GSE1: variants seen among roughly 807,000 people sequenced by gnomAD.
GSE1 encodes Gse1 coiled-coil protein.
In GSE1, 32 loss-of-function variants were observed where a neutral mutation model predicts 112.6. That is an observed-to-expected ratio of 0.28 (90% CI 0.21 to 0.38). The LOEUF (loss-of-function observed/expected upper bound fraction) is 0.38. GSE1 is among the 10% of genes least tolerant of loss of function. The pLI is 1.00. For missense variants in GSE1, 2,348 were observed against 1,699.2 expected (o/e 1.38, Z -6.71); for synonymous variants, 1,115 against 735.6 (o/e 1.52, Z -8.35).
rs565379864 is a variant in GSE1, at chr16:85,180,155, C to T, written c.2283+8348C>T. Among the ~76,000 whole-genome samples the T allele has an allele frequency of 1.4e-3, 208 of 152,338 alleles. 2 individuals carry two copies. The highest frequency in any genetic ancestry group is 0.011 in the South Asian group (51 of 4,832). ...AAGCTCTGCTGCCTGGCCTGTCTGG[C>T]GTGGAGCCCTTGATTAAATCGGTTG... On this transcript the variant is annotated intron_variant, in intron 1 of 2. Transcript: ENST00000637419.
chr16:85,328,421 G>A (rs1451760726), intron 1 of GSE1, among the ~76,000 whole-genome samples: 1 of 152,198 alleles, frequency 6.6e-6, no homozygotes, highest in Non-Finnish European at 1.5e-5. Flanking sequence ...AGCGGGGGCC[G>A]GAGGGAGCCG....
chr16:85,587,045 T>C (rs1236878778), intron 1 of GSE1, among the ~76,000 whole-genome samples: 1 of 151,996 alleles, frequency 6.6e-6, no homozygotes, highest in Non-Finnish European at 1.5e-5. Context: ...CAGAATTGTG[T>C]GTGTGGTGGG....
At chr16:85,228,357 C>G (rs16975388) in intron 1 of GSE1, among the ~76,000 whole-genome samples, 30,655 of 152,014 alleles carry the variant, frequency 0.2, 3,204 homozygotes, top group South Asian at 0.34. Flanking sequence ...TGGCCAGCAG[C>G]GTACAGGATT....
intron 1 of GSE1, among the ~76,000 whole-genome samples, chr16:85,260,436 CT>C (rs1567645915): frequency 6.7e-6 from 1 of 148,212 alleles, no homozygotes; most frequent in Non-Finnish European, 1.5e-5. Context: ...GATTCTCCTG[CT>C]TCAGCGTCCC....
chr16:85,494,644 C>T (rs8049743), intron 2 of GSE1, among the ~76,000 whole-genome samples: 38,973 of 151,982 alleles, frequency 0.26, 7,001 homozygotes, highest in African/African-American at 0.52. Flanking sequence ...ACTCAAGCAA[C>T]CCTCCCTCCT....
chr16:85,619,515 G>A lies in GSE1; in HGVS notation c.7+6117G>A, dbSNP rs571719789. 1.2e-4 allele frequency among the ~76,000 whole-genome samples: 19 copies of A among 152,302 alleles called. No individual in the cohort carries two copies. The East Asian group carries it at 1.4e-3, about 11-fold the overall frequency. On this transcript the variant is annotated intron_variant, in intron 1 of 15. Transcript: ENST00000253458. ...GGGGCAAAGCCCGGGGGTGCCAAGCGATGCCCCACAGCCCCAGACGGGCCT... is the reference window on the plus strand; with the variant it reads ...GGGGCAAAGCCCGGGGGTGCCAAGCAATGCCCCACAGCCCCAGACGGGCCT...
chr16:85,485,624 C>T (rs1311400799), intron 2 of GSE1, among the ~76,000 whole-genome samples: 1 of 152,260 alleles, frequency 6.6e-6, no homozygotes, highest in Non-Finnish European at 1.5e-5. Context: ...CATTAGCACT[C>T]GAGAGCCTTC....
chr16:85,283,626 G>C (rs1459897893), intron 1 of GSE1: 2 of 152,322 alleles, frequency 1.3e-5, no homozygotes, highest in Non-Finnish European at 2.9e-5. Context: ...CAGCAGGCGG[G>C]GTTTGATGCA....
intron 1 of GSE1, among the ~76,000 whole-genome samples, chr16:85,288,734 A>T (rs1182806813): frequency 6.6e-6 from 1 of 152,100 alleles, no homozygotes; most frequent in African/African-American, 2.4e-5. Flanking sequence ...GAGAGGCGGC[A>T]TTTGTGCTGG....
At chr16:85,344,925 G>A (rs983175512) in intron 1 of GSE1, among the ~76,000 whole-genome samples, 1 of 152,248 alleles carries the variant, frequency 6.6e-6, no homozygotes, top group South Asian at 2.1e-4. Flanking sequence ...GGGTGCTGCT[G>A]TAGCCAGCTC....
At chr16:85,209,516 T>C (rs1216814583) in intron 1 of GSE1, among the ~76,000 whole-genome samples, 3 of 142,326 alleles carry the variant, frequency 2.1e-5, no homozygotes, top group Non-Finnish European at 4.6e-5. Context: ...CCTCCCACCC[T>C]CTCCCCCATC....
At chr16:85,592,370 A>T (rs2047039788) in intron 1 of GSE1, 1 of 152,108 alleles carries the variant, frequency 6.6e-6, no homozygotes, top group Admixed American at 6.5e-5. Flanking sequence ...AGTTGGTCTC[A>T]AACTCCTGAC....
At chr16:85,255,503 C>G (rs1328574242) in intron 1 of GSE1, among the ~76,000 whole-genome samples, 1 of 151,828 alleles carries the variant, frequency 6.6e-6, no homozygotes, top group Non-Finnish European at 1.5e-5. Flanking sequence ...CTTTTGCCTC[C>G]CGGGTTCAAG....
chr16:85,556,722 C>T (rs1001109641), intron 1 of GSE1, among the ~76,000 whole-genome samples: 28 of 150,410 alleles, frequency 1.9e-4, no homozygotes, highest in African/African-American at 6.6e-4. Context: ...AGTTACTTTC[C>T]TGCAGGCCGC....
At position 85,674,344 on chromosome 16, in the gene GSE1, C is replaced by G. The variant is rs553240638; in HGVS notation, c.*1805C>G. On this transcript the variant is annotated 3_prime_UTR_variant, in exon 16 of 16. Coordinates refer to ENST00000253458, the MANE Select transcript of GSE1 (RefSeq NM_014615.5). The stretch of plus-strand genomic sequence containing the variant: ...TATTAGCAAACTCAGACGAATGTAC[C>G]GCCAGTATTATCAGCAGTCAACAAG... The G allele has an allele frequency of 6.6e-6, 1 of 152,250 alleles. No individual in the cohort carries two copies. Among genetic ancestry groups the G allele is most frequent in the African/African-American group, 2.4e-5 (1 of 41,446 alleles). 9.4% of individuals were successfully genotyped at this position (152,250 alleles called of 1,614,324 possible). A position where few individuals can be genotyped will look rare whatever the true frequency, so the allele number is the denominator to read the frequency against.
Position 85,633,956 on chromosome 16 carries a change from C to G in GSE1, c.50C>G (p.Ser17Cys), listed in dbSNP as rs760822694. The G allele has an allele frequency of 6.2e-7, 1 of 1,613,104 alleles. No individual in the cohort carries two copies. The highest frequency in any genetic ancestry group is 1.7e-5 in the Admixed American group (1 of 59,970). ...AAGTCCCCTTCGCTAGGGATGCTTT[C>G]CACCGCGACCAGGACCACCGCCACC... ...EPKSPSLGML[S>C]TATRTTATVN... Residue 17 changes from serine (S) to cysteine (C), a missense_variant, in exon 2 of 16, where the codon TCC (serine) becomes TGC (cysteine). Transcript: ENST00000253458.
chr16:85,241,691 T>G (rs548337228), intron 1 of GSE1, among the ~76,000 whole-genome samples: 1 of 152,276 alleles, frequency 6.6e-6, no homozygotes, highest in South Asian at 2.1e-4. Context: ...TCTGAAACCC[T>G]GCGCTTTATG....
At chr16:85,457,999 G>A (rs2151817413) in intron 2 of GSE1, among the ~76,000 whole-genome samples, 1 of 152,302 alleles carries the variant, frequency 6.6e-6, no homozygotes, top group East Asian at 1.9e-4. Flanking sequence ...TTACATGTAA[G>A]GAGACTGAGG....
intron 1 of GSE1, among the ~76,000 whole-genome samples, chr16:85,255,412 CTTTTTTTTTT>C (rs869059709): frequency 7.1e-6 from 1 of 141,114 alleles, no homozygotes; most frequent in African/African-American, 2.6e-5. Context: ...TCAGTGCCTA[CTTTTTTTTTT>C]TTTTTTTGAG....
Sources: gnomAD v4.1 joint callset for allele counts (sites outside exome capture counted in the v4.1 genomes callset) on GRCh38, gnomAD v4.1.1 for gene constraint, MANE v1.5 for transcripts, NCBI Gene and HGNC (gene_info 2026-07-23, HGNC 2026-07-21) for gene names.